Variants in PIK3C2G observed in about 807,000 individuals in gnomAD.
PIK3C2G encodes phosphatidylinositol-4-phosphate 3-kinase catalytic subunit type 2 gamma.
A neutral mutation model predicts 181.1 loss-of-function variants in PIK3C2G; 168 were observed. The observed-to-expected ratio is 0.93, with a 90% CI of 0.82 to 1.05. The LOEUF is 1.05. Among genes scored for constraint, PIK3C2G ranks in the 50% least tolerant of loss-of-function variants. The pLI, the probability that PIK3C2G is intolerant of heterozygous loss-of-function variation, is 0.00. For synonymous variants in PIK3C2G, 573 were observed against 592.2 expected (o/e 0.97, Z 0.47); for missense variants, 1,869 against 1,732.8 (o/e 1.08, Z -1.40).
At chr12:18,633,722 C>T (rs1357259013) in intron 31 of PIK3C2G, among the ~76,000 whole-genome samples, 1 of 152,170 alleles carries the variant, frequency 6.6e-6, no homozygotes, top group Non-Finnish European at 1.5e-5. Context: ...ACTGTAACTC[C>T]CTTTTTGCCT....
chr12:18,523,009 C>T (rs755624853), intron 24 of PIK3C2G, among the ~76,000 whole-genome samples: 12 of 151,714 alleles, frequency 7.9e-5, no homozygotes, highest in South Asian at 2.1e-4. Flanking sequence ...TTCTTTTGCT[C>T]GATCATGTCT....
At chr12:18,280,342 A>G (rs1591814455) in intron 1 of PIK3C2G, among the ~76,000 whole-genome samples, 1 of 152,156 alleles carries the variant, frequency 6.6e-6, no homozygotes, top group African/African-American at 2.4e-5. Context: ...AGTCCCAATA[A>G]GAAGTGTAAA....
At chr12:18,395,961 G>T (rs1943866784) in intron 15 of PIK3C2G, among the ~76,000 whole-genome samples, 1 of 151,236 alleles carries the variant, frequency 6.6e-6, no homozygotes, top group Admixed American at 6.6e-5. Flanking sequence ...AGGGGACCAA[G>T]AAATGGTTTA....
chr12:18,314,935 G>C (rs1466559732), intron 6 of PIK3C2G, among the ~76,000 whole-genome samples: 1 of 152,142 alleles, frequency 6.6e-6, no homozygotes, highest in Non-Finnish European at 1.5e-5. Context: ...ACTGTGCTTT[G>C]ACGATACAGT....
chr12:18,588,408 A>G (rs961934048), intron 29 of PIK3C2G, among the ~76,000 whole-genome samples: 1 of 152,112 alleles, frequency 6.6e-6, no homozygotes, highest in Non-Finnish European at 1.5e-5. Context: ...AGGAAAAAAA[A>G]CAACCCCATT....
intron 31 of PIK3C2G, among the ~76,000 whole-genome samples, chr12:18,617,453 C>G (rs1948653634): frequency 6.6e-6 from 1 of 151,926 alleles, no homozygotes; most frequent in Non-Finnish European, 1.5e-5. Flanking sequence ...CATGTTTCAC[C>G]AAAAGAGAGA....
chr12:18,519,422 A>G (rs1942768626), intron 24 of PIK3C2G, among the ~76,000 whole-genome samples: 1 of 152,120 alleles, frequency 6.6e-6, no homozygotes, highest in South Asian at 2.1e-4. Flanking sequence ...GTGCATATAT[A>G]AGAATAGTTA....
intron 18 of PIK3C2G, among the ~76,000 whole-genome samples, chr12:18,463,677 G>C (rs1166571635): frequency 6.6e-6 from 1 of 152,174 alleles, no homozygotes; most frequent in Non-Finnish European, 1.5e-5. Context: ...AGACAGCTTT[G>C]TGTTCATGTA....
At chr12:18,509,778 G>A (rs1942090238) in intron 24 of PIK3C2G, among the ~76,000 whole-genome samples, 1 of 152,114 alleles carries the variant, frequency 6.6e-6, no homozygotes, top group Non-Finnish European at 1.5e-5. Flanking sequence ...ATAAACAAAT[G>A]ATCCCTTCTT....
intron 29 of PIK3C2G, among the ~76,000 whole-genome samples, chr12:18,571,140 C>T (rs1370053208): frequency 6.6e-6 from 1 of 150,636 alleles, no homozygotes; most frequent in Non-Finnish European, 1.5e-5. Context: ...TATTTATAAA[C>T]TTTTCATTGT....
intron 14 of PIK3C2G, among the ~76,000 whole-genome samples, chr12:18,385,001 C>T (rs1421524649): frequency 6.6e-6 from 1 of 151,748 alleles, no homozygotes; most frequent in East Asian, 1.9e-4. Context: ...AATCTTTCAA[C>T]CTAAAGATTA....
chr12:18,256,895 C>A (rs1243100244), upstream of PIK3C2G, among the ~76,000 whole-genome samples: 1 of 151,800 alleles, frequency 6.6e-6, no homozygotes, highest in Non-Finnish European at 1.5e-5. Context: ...TAGAAAGAGA[C>A]CCTAAAACAC....
At chr12:18,687,956 C>G in the PIK3C2G span, 10 of 1,192,886 alleles carry the variant, frequency 8.4e-6, no homozygotes, top group Non-Finnish European at 1.2e-5. Flanking sequence ...TAACATTTTG[C>G]TAATTTTGGA....
chr12:18,365,050 T>C (rs1276622138), intron 12 of PIK3C2G, among the ~76,000 whole-genome samples: 1 of 152,214 alleles, frequency 6.6e-6, no homozygotes, highest in African/African-American at 2.4e-5. Context: ...AAAAATCTAA[T>C]TCTAAACTCA....
At chr12:18,442,839 G>T (rs939291125) in intron 18 of PIK3C2G, among the ~76,000 whole-genome samples, 3 of 151,478 alleles carry the variant, frequency 2.0e-5, no homozygotes, top group Middle Eastern at 3.5e-3. Flanking sequence ...TGAATCATTC[G>T]GTCTACAAGT....
In PIK3C2G at chr12:18,624,651, G is replaced by A. The variant is rs565743060; in HGVS notation, c.4182+15022G>A. ...ATTAAATATTTGATAGAATACAGCA[G>A]TGAAGGCATCAGGTCCTGGGCTTTT... On this transcript the variant is annotated intron_variant, in intron 31 of 32. Coordinates refer to ENST00000538779, the MANE Select transcript of PIK3C2G (RefSeq NM_001288772.2). Among the ~76,000 whole-genome samples the A allele has an allele frequency of 2.6e-5, 4 of 151,720 alleles. No individual in the cohort carries two copies. The South Asian group carries it at 8.3e-4, about 31-fold the overall frequency.
chr12:18,266,293 T>A (rs574378336), intron 1 of PIK3C2G, among the ~76,000 whole-genome samples: 1 of 152,086 alleles, frequency 6.6e-6, no homozygotes, highest in Non-Finnish European at 1.5e-5. Context: ...TAACTCTATA[T>A]ATACAAACAA....
chr12:18,372,709 T>C (rs1443869168), intron 13 of PIK3C2G: 1 of 152,228 alleles, frequency 6.6e-6, no homozygotes, highest in Non-Finnish European at 1.5e-5. Flanking sequence ...TACTTGCACA[T>C]ATCAATAAAC....
chr12:18,520,566 G>T (rs1299299673), intron 24 of PIK3C2G, among the ~76,000 whole-genome samples: 1 of 152,032 alleles, frequency 6.6e-6, no homozygotes, highest in Non-Finnish European at 1.5e-5. Flanking sequence ...AGCTCCATTA[G>T]GTCATTTATG....
Sources: allele counts gnomAD v4.1 joint callset (sites outside exome capture counted in the v4.1 genomes callset), GRCh38; gene constraint gnomAD v4.1.1; transcripts MANE v1.5; gene names NCBI Gene and HGNC (gene_info 2026-07-23, HGNC 2026-07-21).